Variants in THRB observed in about 807,000 individuals in gnomAD.
THRB encodes thyroid hormone receptor beta, also known as nuclear receptor subfamily 1 group A member 2.
THRB carries 12 observed loss-of-function variants against 47.8 expected under a neutral mutation model. The ratio of observed to expected loss-of-function variants is 0.25; its 90% confidence interval spans 0.16 to 0.41. The LOEUF (loss-of-function observed/expected upper bound fraction) is 0.41. Among genes scored for constraint, THRB ranks in the 10% least tolerant of loss-of-function variants. The pLI is 1.00. For missense variants in THRB, 348 were observed against 589.2 expected (o/e 0.59, Z 4.24); for synonymous variants, 218 against 212.2 (o/e 1.03, Z -0.24).
Position 24,135,846 on chromosome 3 carries a change from T to TATATATATATATATATATAA in THRB, c.739-2385_739-2384insTTATATATATATATATATAT, listed in dbSNP as rs1231598841. ...ATATATATATATATATATATATATA[T>TATATATATATATATATATAA]AATACATAAATATATATTAATTACA... On this transcript the variant is annotated intron_variant, in intron 8 of 10. Transcript: ENST00000646209. 1.6e-3 allele frequency among the ~76,000 whole-genome samples: 199 copies of TATATATATATATATATATAA among 121,080 alleles called. 1 individual carries two copies. Among genetic ancestry groups the TATATATATATATATATATAA allele is most frequent in the African/African-American group, 5.8e-3 (176 of 30,494 alleles). 79.4% of individuals were successfully genotyped at this position (121,080 alleles called of 152,430 possible).
chr3:24,224,470 C>G (rs2047457239), intron 4 of THRB, among the ~76,000 whole-genome samples: 1 of 151,938 alleles, frequency 6.6e-6, no homozygotes, highest in Non-Finnish European at 1.5e-5. Flanking sequence ...CTTTTGAAAC[C>G]ATGGAAAGCC....
intron 2 of THRB, among the ~76,000 whole-genome samples, chr3:24,309,946 G>C (rs9848509): frequency 0.026 from 3,883 of 152,264 alleles, 168 homozygotes; most frequent in African/African-American, 0.088. Flanking sequence ...AAGTGGAAAA[G>C]AAAGTTAAGG....
chr3:24,316,336 C>G (rs973107411), intron 2 of THRB, among the ~76,000 whole-genome samples: 1 of 152,100 alleles, frequency 6.6e-6, no homozygotes, highest in Non-Finnish European at 1.5e-5. Flanking sequence ...TTTAAATATA[C>G]TGGTATATTC....
intron 3 of THRB, among the ~76,000 whole-genome samples, chr3:24,269,395 GCGCGCGCGCA>G (rs1452786124): frequency 3.1e-5 from 3 of 97,774 alleles, no homozygotes; most frequent in African/African-American, 4.6e-5. Context: ...ACACGCGCGC[GCGCGCGCGCA>G]CACACACACA....
At chr3:24,405,540 A>G (rs896322151) in intron 1 of THRB, among the ~76,000 whole-genome samples, 2 of 151,904 alleles carry the variant, frequency 1.3e-5, no homozygotes. Flanking sequence ...ATATTTAAAA[A>G]TTATGTCTTG....
chr3:24,302,065 C>T (rs971304007), intron 2 of THRB, among the ~76,000 whole-genome samples: 3 of 152,166 alleles, frequency 2.0e-5, no homozygotes, highest in Admixed American at 1.3e-4. Context: ...TTGGCTAAGC[C>T]GCTAGGTTGG....
intron 5 of THRB, among the ~76,000 whole-genome samples, chr3:24,161,651 C>CACACACACACAG (rs1322886931): frequency 2.0e-5 from 3 of 150,908 alleles, no homozygotes; most frequent in East Asian, 3.9e-4. Context: ...CACACACACA[C>CACACACACACAG]ACAGACAGAA....
chr3:24,289,034 G>A (rs895786795), intron 3 of THRB, among the ~76,000 whole-genome samples: 1 of 152,208 alleles, frequency 6.6e-6, no homozygotes, highest in Non-Finnish European at 1.5e-5. Context: ...GTTGTCCAGA[G>A]TGCTGGCTAA....
At chr3:24,431,356 C>T (rs80290070) in intron 1 of THRB, among the ~76,000 whole-genome samples, 3,033 of 148,450 alleles carry the variant, frequency 0.02, 101 homozygotes, top group African/African-American at 0.069. Flanking sequence ...CAGTATTTAA[C>T]CAAAAAAAGG....
chr3:24,328,906 T>C (rs9310738), intron 2 of THRB, among the ~76,000 whole-genome samples: 71,155 of 152,068 alleles, frequency 0.47, 18,667 homozygotes, highest in African/African-American at 0.68. Flanking sequence ...GATCTGACTC[T>C]TGATGGTCAA....
At chr3:24,283,795 CAG>C (rs1008623657) in intron 3 of THRB, among the ~76,000 whole-genome samples, 90 of 152,198 alleles carry the variant, frequency 5.9e-4, no homozygotes, top group African/African-American at 2.0e-3. Flanking sequence ...CAGTAACAGA[CAG>C]AGAGCCAAAT....
At chr3:24,271,039 G>T (rs751969408) in intron 3 of THRB, among the ~76,000 whole-genome samples, 3 of 152,060 alleles carry the variant, frequency 2.0e-5, no homozygotes, top group Non-Finnish European at 2.9e-5. Context: ...CCAAACCATA[G>T]CCCTCCCTAG....
At chr3:24,411,936 G>C (rs1560125545) in intron 1 of THRB, among the ~76,000 whole-genome samples, 1 of 151,748 alleles carries the variant, frequency 6.6e-6, no homozygotes, top group Non-Finnish European at 1.5e-5. Flanking sequence ...GAGGGAGAAA[G>C]AAATCAGCAC....
chr3:24,351,374 C>A (rs540651822), intron 1 of THRB, among the ~76,000 whole-genome samples: 1 of 152,086 alleles, frequency 6.6e-6, no homozygotes, highest in Non-Finnish European at 1.5e-5. Flanking sequence ...CATCCTAATC[C>A]TTTCAAAATG....
At chr3:24,406,557 T>C (rs948824259) in intron 1 of THRB, among the ~76,000 whole-genome samples, 4 of 151,758 alleles carry the variant, frequency 2.6e-5, no homozygotes, top group Non-Finnish European at 5.9e-5. Context: ...TTTTTTTAAC[T>C]TGTGAGTTTG....
intron 4 of THRB, among the ~76,000 whole-genome samples, chr3:24,199,274 T>C (rs1328005953): frequency 6.6e-6 from 1 of 152,250 alleles, no homozygotes; most frequent in African/African-American, 2.4e-5. Flanking sequence ...ACATAAACTA[T>C]GCCTTCAGAA....
At chr3:24,227,466 G>T (rs2047778299) in intron 4 of THRB, among the ~76,000 whole-genome samples, 1 of 152,122 alleles carries the variant, frequency 6.6e-6, no homozygotes, top group African/African-American at 2.4e-5. Context: ...GGTGCGTTTT[G>T]GTGCCTGTTG....
chr3:24,256,217 C>G (rs367973755), intron 3 of THRB, among the ~76,000 whole-genome samples: 3 of 152,052 alleles, frequency 2.0e-5, no homozygotes, highest in Admixed American at 6.6e-5. Context: ...GAGATGAGGT[C>G]TAGAAAATGG....
Position 24,119,977 on chromosome 3 carries a change from C to G in THRB, c.*2907G>C, listed in dbSNP as rs1320799694. On this transcript the variant is annotated 3_prime_UTR_variant, in exon 11 of 11. Transcript: ENST00000646209. Reference sequence around the variant, plus strand: ...ATGGGTGTGTTCTCCTCTACTGAGACGTCTCCCTGCCGAGGGGGTGGGAGC... The same window carrying G: ...ATGGGTGTGTTCTCCTCTACTGAGAGGTCTCCCTGCCGAGGGGGTGGGAGC... 1.3e-5 allele frequency: 2 copies of G among 152,132 alleles called. No individual in the cohort carries two copies. Among genetic ancestry groups the G allele is most frequent in the Non-Finnish European group, 2.9e-5 (2 of 68,056 alleles). The allele number at this position is 152,132 out of a possible 1,614,324, so 9.4% of individuals were successfully genotyped here.
Sources: gnomAD v4.1 joint callset for allele counts (sites outside exome capture counted in the v4.1 genomes callset) on GRCh38, gnomAD v4.1.1 for gene constraint, MANE v1.5 for transcripts, NCBI Gene and HGNC (gene_info 2026-07-23, HGNC 2026-07-21) for gene names.